The following CDK19 variants were observed in gnomAD, a reference collection of about 807,000 sequenced individuals.
CDK19 encodes the protein cyclin-dependent kinase 19.
In CDK19, 20 loss-of-function variants were observed where a neutral mutation model predicts 68.3. That is an observed-to-expected ratio of 0.29 (90% CI 0.21 to 0.43). The LOEUF is 0.43. Among genes scored for constraint, CDK19 ranks in the 20% least tolerant of loss-of-function variants. The pLI, the probability that CDK19 is intolerant of heterozygous loss-of-function variation, is 1.00. For missense variants in CDK19, 339 were observed against 623.5 expected (o/e 0.54, Z 4.86); for synonymous variants, 221 against 222.8 (o/e 0.99, Z 0.07).
In CDK19 at chr6:110,628,557, C is replaced by G. The variant is rs113125045; in HGVS notation, c.647-1412G>C. On this transcript the variant is annotated intron_variant, in intron 6 of 12. Coordinates refer to ENST00000368911, the MANE Select transcript of CDK19 (RefSeq NM_015076.5). ...ATACTCACTACCCACTGGTTAGTCA[C>G]TTAGTGGTCGTCTGGGTTATTAGAT... 7.7e-3 allele frequency among the ~76,000 whole-genome samples: 1,169 copies of G among 152,288 alleles called. 14 individuals are homozygous for G. The highest frequency in any genetic ancestry group is 0.027 in the African/African-American group (1,116 of 41,544).
chr6:110,744,078 A>G (rs1434737823), intron 2 of CDK19, among the ~76,000 whole-genome samples: 1 of 148,208 alleles, frequency 6.7e-6, no homozygotes, highest in African/African-American at 2.5e-5. Flanking sequence ...CAGTGGCACA[A>G]TCTCAGCTCA....
In CDK19 at chr6:110,692,067, G is replaced by A. The variant is rs560741005; in HGVS notation, c.205-21526C>T. On this transcript the variant is annotated intron_variant, in intron 2 of 12. Coordinates refer to ENST00000368911, the MANE Select transcript of CDK19 (RefSeq NM_015076.5). ...TCCCAGCACTTCGGGAGGCCAAGGC[G>A]GGCAGATCACAAGGTCAAGAGATCA... Among the ~76,000 whole-genome samples, 502 of 151,806 alleles carry A rather than the reference G, an allele frequency of 3.3e-3. 3 individuals are homozygous for A. Among genetic ancestry groups the A allele is most frequent in the African/African-American group, 0.011 (457 of 41,440 alleles).
At chr6:110,805,826 T>C (rs1427110719) in intron 1 of CDK19, among the ~76,000 whole-genome samples, 1 of 152,204 alleles carries the variant, frequency 6.6e-6, no homozygotes, top group Admixed American at 6.5e-5. Flanking sequence ...AACCTTTCCA[T>C]GGATCTACTC....
chr6:110,688,356 A>G (rs1772674336), intron 2 of CDK19, among the ~76,000 whole-genome samples: 1 of 151,886 alleles, frequency 6.6e-6, no homozygotes, highest in African/African-American at 2.4e-5. Flanking sequence ...TATATATAAA[A>G]TGCAGGGAAG....
chr6:110,654,183 T>C (rs1781154171), intron 4 of CDK19, among the ~76,000 whole-genome samples: 1 of 152,206 alleles, frequency 6.6e-6, no homozygotes, highest in East Asian at 1.9e-4. Context: ...GATACAAACA[T>C]ACATTCCCAG....
chr6:110,701,467 G>A (rs1380328830), intron 2 of CDK19, among the ~76,000 whole-genome samples: 2 of 149,862 alleles, frequency 1.3e-5, no homozygotes, highest in Non-Finnish European at 3.0e-5. Flanking sequence ...CAGGAGAATG[G>A]CGTGAACCCG....
At chr6:110,768,290 G>A (rs1356068582) in intron 1 of CDK19, among the ~76,000 whole-genome samples, 1 of 152,170 alleles carries the variant, frequency 6.6e-6, no homozygotes, top group Non-Finnish European at 1.5e-5. Context: ...ATTGCTGGTG[G>A]GAATGCAAAG....
At chr6:110,654,045 A>G (rs1781146956) in intron 4 of CDK19, among the ~76,000 whole-genome samples, 1 of 152,230 alleles carries the variant, frequency 6.6e-6, no homozygotes, top group Admixed American at 6.5e-5. Context: ...GAATAATAGG[A>G]ACAGAGACAA....
At chr6:110,797,146 C>T (rs1184335867) in intron 1 of CDK19, among the ~76,000 whole-genome samples, 1 of 151,694 alleles carries the variant, frequency 6.6e-6, no homozygotes, top group African/African-American at 2.4e-5. Flanking sequence ...TCAAGATCAG[C>T]CTGGCCAAGA....
intron 3 of CDK19, among the ~76,000 whole-genome samples, chr6:110,669,119 G>A (rs1770771299): frequency 1.3e-5 from 2 of 152,046 alleles, no homozygotes; most frequent in Admixed American, 6.6e-5. Flanking sequence ...TTGACATATA[G>A]GGGAATATAG....
intron 3 of CDK19, among the ~76,000 whole-genome samples, chr6:110,668,326 T>C (rs940463221): frequency 6.6e-6 from 1 of 152,140 alleles, no homozygotes; most frequent in Non-Finnish European, 1.5e-5. Flanking sequence ...ACTGATGAAA[T>C]TGTCAATAGC....
At chr6:110,809,566 A>T (rs906912974) in intron 1 of CDK19, among the ~76,000 whole-genome samples, 3 of 152,254 alleles carry the variant, frequency 2.0e-5, no homozygotes, top group African/African-American at 7.2e-5. Flanking sequence ...GAAAAGCAGT[A>T]CATTTCTTAG....
Position 110,610,736 on chromosome 6 carries a change from T to C in CDK19, c.*3799A>G, listed in dbSNP as rs1777980469. ...TTCTCTACTCCCTAGGAAGACATCATCATAGAGTTTTGGATTTGTAATTTC... is the reference window on the plus strand; with the variant it reads ...TTCTCTACTCCCTAGGAAGACATCACCATAGAGTTTTGGATTTGTAATTTC... On this transcript the variant is annotated 3_prime_UTR_variant, in exon 13 of 13. Transcript: ENST00000368911. 1 of 152,208 alleles carries C rather than the reference T, an allele frequency of 6.6e-6. No homozygotes were observed. The highest frequency in any genetic ancestry group is 2.4e-5 in the African/African-American group (1 of 41,448). The allele number at this position is 152,208 out of a possible 1,614,324, so 9.4% of individuals were successfully genotyped here. A position where few individuals can be genotyped will look rare whatever the true frequency, so the allele number is the denominator to read the frequency against.
intron 1 of CDK19, among the ~76,000 whole-genome samples, chr6:110,769,835 A>G (rs538303071): frequency 6.6e-6 from 1 of 152,280 alleles, no homozygotes; most frequent in Non-Finnish European, 1.5e-5. Context: ...AGCAAAATAC[A>G]CCACAGTCAG....
chr6:110,756,684 T>A (rs2114930687), intron 1 of CDK19, among the ~76,000 whole-genome samples: 1 of 151,730 alleles, frequency 6.6e-6, no homozygotes, highest in South Asian at 2.1e-4. Flanking sequence ...TATATTTACG[T>A]GTGTGTGTGT....
In CDK19 at chr6:110,745,638, T is replaced by C. The variant is rs111689050; in HGVS notation, c.204+488A>G. On this transcript the variant is annotated intron_variant, in intron 2 of 12. Transcript: ENST00000368911. ...CTGAGATCACAAATCTTAAATATCA[T>C]TAAGAGGATATTCAAAGATGACTTT... Among the ~76,000 whole-genome samples the C allele has an allele frequency of 5.2e-3, 799 of 152,272 alleles. 6 individuals are homozygous for C. The highest frequency in any genetic ancestry group is 0.019 in the African/African-American group (777 of 41,548).
chr6:110,738,928 C>A (rs554936437), intron 2 of CDK19, among the ~76,000 whole-genome samples: 1 of 152,310 alleles, frequency 6.6e-6, no homozygotes, highest in South Asian at 2.1e-4. Flanking sequence ...GGAAGAACTG[C>A]AAGTGACAGC....
At chr6:110,659,867 T>G (rs1781511326) in intron 4 of CDK19, among the ~76,000 whole-genome samples, 1 of 152,238 alleles carries the variant, frequency 6.6e-6, no homozygotes, top group African/African-American at 2.4e-5. Context: ...GAACCGCCGC[T>G]AGATCTTACC....
At chr6:110,814,948 C>T (rs760434418) in intron 1 of CDK19, 61 bp downstream of exon 1, 1 of 1,593,282 alleles carries the variant, frequency 6.3e-7, no homozygotes, top group Non-Finnish European at 8.5e-7. Context: ...CCACCCATCC[C>T]GCCAGGTCGC....
Sources: allele counts gnomAD v4.1 joint callset (sites outside exome capture counted in the v4.1 genomes callset), GRCh38; gene constraint gnomAD v4.1.1; transcripts MANE v1.5; gene names NCBI Gene and HGNC (gene_info 2026-07-23, HGNC 2026-07-21).